Variants in NEURL4 observed in about 807,000 individuals in gnomAD.
The protein encoded by NEURL4 is neuralized E3 ubiquitin protein ligase 4, also known as neuralized-like protein 4.
A neutral mutation model predicts 148.0 loss-of-function variants in NEURL4; 45 were observed. That is an observed-to-expected ratio of 0.30 (90% CI 0.24 to 0.39). The LOEUF (loss-of-function observed/expected upper bound fraction) is 0.39. NEURL4 is among the 10% of genes least tolerant of loss of function. The pLI is 1.00. For synonymous variants in NEURL4, 854 were observed against 869.0 expected (o/e 0.98, Z 0.30); for missense variants, 1,776 against 2,144.0 (o/e 0.83, Z 3.39).
At position 7,321,394 on chromosome 17, in the gene NEURL4, C is replaced by G. The variant is rs749841363; in HGVS notation, c.3165G>C (p.Glu1055Asp). The G allele has an allele frequency of 6.2e-7, 1 of 1,614,170 alleles. No homozygotes were observed. The highest frequency in any genetic ancestry group is 1.1e-5 in the South Asian group (1 of 91,086). Residue 1055 changes from glutamate (E) to aspartate (D), a missense_variant, in exon 19 of 29, where the codon GAG (glutamate) becomes GAC (aspartate). Glu to Asp is a conservative substitution (Grantham distance 45). Coordinates refer to ENST00000399464, the MANE Select transcript of NEURL4 (RefSeq NM_032442.3). The surrounding 1 kb of genome is among the most constrained non-coding windows in gnomAD (Gnocchi z 6.3). ...TGCCAGTGGCTGCAGGCCCCATATCCTCTCCATCCACCAGGATGTGCATCG... is the reference window on the plus strand; with the variant it reads ...TGCCAGTGGCTGCAGGCCCCATATCGTCTCCATCCACCAGGATGTGCATCG... ...DDTMHILVDG[E>D]DMGPAATGIA...
Position 7,316,133 on chromosome 17 carries a change from CG to C in NEURL4, c.4678del (p.Arg1560GlyfsTer6). 2 of 1,530,856 alleles carry C rather than the reference CG, an allele frequency of 1.3e-6. No individual in the cohort carries two copies. The highest frequency in any genetic ancestry group is 1.8e-6 in the Non-Finnish European group (2 of 1,103,978). 94.8% of individuals were successfully genotyped at this position (1,530,856 alleles called of 1,614,324 possible). A position where few individuals can be genotyped will look rare whatever the true frequency, so the allele number is the denominator to read the frequency against. On this transcript the variant is annotated frameshift_variant, in exon 29 of 29. Coordinates refer to ENST00000399464, the MANE Select transcript of NEURL4 (RefSeq NM_032442.3). LOFTEE classifies it high-confidence loss of function. ...GTGGTGTCTCACCCCTCATTCCACC[CG>C]TACCAGCAGGGCACAGAGGAGTGTG... ...GATLLCALLV[R>X]VE
intron 8 of NEURL4, 65 bp downstream of exon 8, chr17:7,325,144 T>TTGGGGGGGGG: frequency 1.1e-4 from 101 of 956,280 alleles, no homozygotes; most frequent in Non-Finnish European, 1.4e-4. Context: ...TCCACTTCCT[T>TTGGGGGGGGG]GCCCCGCCCC....
In NEURL4 at chr17:7,317,476, C is replaced by T. The variant is rs2072964865; in HGVS notation, c.4303G>A (p.Gly1435Arg). The part of the protein sequence containing the change: ...VAAVRRVLDR[G>R]ELGAGTASIL... ...TCGCCAGTACCTGCTCCCAGCTCCC[C>T]TCGGTCCAGCACTCTCCGTACAGCG... The change falls in exon 27 of 29, where the codon GGG becomes AGG. Residue 1435 changes from glycine to arginine, a missense_variant. Coordinates refer to ENST00000399464, the MANE Select transcript of NEURL4 (RefSeq NM_032442.3). The T allele has an allele frequency of 4.3e-6, 7 of 1,614,196 alleles. No individual in the cohort carries two copies. The highest frequency in any genetic ancestry group is 1.3e-5 in the African/African-American group (1 of 75,050).
chr17:7,318,993 C>T lies in NEURL4; in HGVS notation c.3684+57G>A. Reference sequence around the variant, plus strand: ...CTAGGGGCCCACTTCTCCCTTCTGGCCAGCCCTTCTCTACTCACAGGCCTG... The same window carrying T: ...CTAGGGGCCCACTTCTCCCTTCTGGTCAGCCCTTCTCTACTCACAGGCCTG... On this transcript the variant is annotated intron_variant, in intron 22 of 28. Transcript: ENST00000399464. The surrounding 1 kb of genome is among the most constrained non-coding windows in gnomAD (Gnocchi z 4.3). 6.5e-7 allele frequency: 1 copy of T among 1,532,652 alleles called. No homozygotes were observed. The highest frequency in any genetic ancestry group is 8.8e-7 in the Non-Finnish European group (1 of 1,137,546). 94.9% of individuals were successfully genotyped at this position (1,532,652 alleles called of 1,614,324 possible).
chr17:7,326,649 G>C lies in NEURL4; in HGVS notation c.1092+62C>G, dbSNP rs1457022804. The C allele has an allele frequency of 1.9e-6, 3 of 1,604,396 alleles. No homozygotes were observed. The highest frequency in any genetic ancestry group is 2.6e-6 in the Non-Finnish European group (3 of 1,173,950). Reference sequence around the variant, plus strand: ...AGGGCCCACCCTCCTAGCACCAAGGGTCAATCCCCATCTTTAGCTCCCAGG... The same window carrying C: ...AGGGCCCACCCTCCTAGCACCAAGGCTCAATCCCCATCTTTAGCTCCCAGG... On this transcript the variant is annotated intron_variant, in intron 4 of 28. Transcript: ENST00000399464. The surrounding 1 kb of genome is among the most constrained non-coding windows in gnomAD (Gnocchi z 6.0).
In NEURL4 at chr17:7,315,773, A is replaced by G. The variant is rs180957591; in HGVS notation, c.*350T>C. The G allele has an allele frequency of 5.9e-5, 29 of 490,486 alleles. 1 individual carries two copies. The East Asian group carries it at 8.8e-4, about 15-fold the overall frequency. The allele number at this position is 490,486 out of a possible 1,614,324, so 30.4% of individuals were successfully genotyped here. ...CAGCTTCATGTGGGCACAGGGAGAG[A>G]CTCCTCTGGGATTCACAGTAACCAG... is the stretch of plus-strand genomic sequence containing the variant. On this transcript the variant is annotated 3_prime_UTR_variant, in exon 29 of 29. Transcript: ENST00000399464.
In NEURL4 at chr17:7,321,708, C is replaced by T. The variant is rs2073036570; in HGVS notation, c.2951G>A (p.Gly984Glu). The change falls in exon 18 of 29, where the codon GGA (glycine) becomes GAA (glutamate). Residue 984 changes from glycine (G) to glutamate (E), a missense_variant. Physicochemically the swap from Gly to Glu is moderately conservative, Grantham distance 98 (BLOSUM62 -2). Transcript: ENST00000399464. The surrounding 1 kb of genome is among the most constrained non-coding windows in gnomAD (Gnocchi z 6.3). The part of the protein sequence containing the change: ...GLTTLAPGEM[G>E]PGAGGGGPGL... ...TGGGCCACCACCGCCTGCCCCGGGT[C>T]CCATCTCCCCCGGTGCTAGTGTGGT... The T allele has an allele frequency of 6.2e-7, 1 of 1,613,736 alleles. No homozygotes were observed. The highest frequency in any genetic ancestry group is 8.5e-7 in the Non-Finnish European group (1 of 1,180,042).
Position 7,317,543 on chromosome 17 carries a change from T to C in NEURL4, c.4236A>G (p.Leu1412=), listed in dbSNP as rs1330843709. The change falls in exon 27 of 29, where the codon CTA becomes CTG. Residue 1412 remains leucine (L), a synonymous_variant. Transcript: ENST00000399464. ...GATATGCCATGTGCCACTTCTTGGT[T>C]AGTGTCCCAGCCTCCAGGCGGGGAT... ...RVNPRLEAGT[L]TKKWHMAYHG... is the part of the protein sequence containing the mutation. 4 of 1,614,038 alleles carry C rather than the reference T, an allele frequency of 2.5e-6. No individual in the cohort carries two copies. In the African/African-American group the frequency reaches 5.3e-5, roughly 22 times the overall value.
At chr17:7,319,519 G>C (rs1375495482) in intron 21 of NEURL4, among the ~76,000 whole-genome samples, 2 of 150,822 alleles carry the variant, frequency 1.3e-5, no homozygotes, top group South Asian at 2.1e-4. Context: ...TGACCAACAT[G>C]GTGAAACTCC....
At position 7,317,250 on chromosome 17, in the gene NEURL4, G is replaced by A; in HGVS notation, c.4439C>T (p.Pro1480Leu). 1 of 1,523,074 alleles carries A rather than the reference G, an allele frequency of 6.6e-7. No homozygotes were observed. Among genetic ancestry groups the A allele is most frequent in the Non-Finnish European group, 8.8e-7 (1 of 1,137,392 alleles). The allele number at this position is 1,523,074 out of a possible 1,614,324, so 94.3% of individuals were successfully genotyped here. ...CTCCGCCCCAGCATATTGAAGGGAG[G>A]GGGAAAGCAGCACAGGAGGGGGCTG... ...EEQPPPVLLS[P>L]SLQYAGAETL... Residue 1480 changes from proline (P) to leucine (L), a missense_variant, in exon 28 of 29, where the codon CCC becomes CTC. Transcript: ENST00000399464.
rs754369701 is a variant in NEURL4, at chr17:7,326,427, G to T, written c.1204+10C>A. 6.2e-7 allele frequency: 1 copy of T among 1,614,044 alleles called. No homozygotes were observed. Among genetic ancestry groups the T allele is most frequent in the South Asian group, 1.1e-5 (1 of 91,074 alleles). The stretch of plus-strand genomic sequence containing the variant: ...AGGCCTGCACCCCCGCCCCTGCCCG[G>T]GGCTGGTACCTGACTGGAGGTTGGT... On this transcript the variant is annotated intron_variant, in intron 5 of 28. Transcript: ENST00000399464. The surrounding 1 kb of genome is among the most constrained non-coding windows in gnomAD (Gnocchi z 6.0).
At position 7,316,026 on chromosome 17, in the gene NEURL4, G is replaced by A. The variant is rs2072938249; in HGVS notation, c.*97C>T. On this transcript the variant is annotated 3_prime_UTR_variant, in exon 29 of 29. Transcript: ENST00000399464. Reference sequence around the variant, plus strand: ...GCGGCTGCCAAGCTCCAGCACCTGCGCATGCCACGAGTCACGGGAATGAGG... The same window carrying A: ...GCGGCTGCCAAGCTCCAGCACCTGCACATGCCACGAGTCACGGGAATGAGG... 2.6e-6 allele frequency: 2 copies of A among 762,528 alleles called. No homozygotes were observed. The highest frequency in any genetic ancestry group is 4.8e-6 in the Non-Finnish European group (2 of 419,088). 47.2% of individuals were successfully genotyped at this position (762,528 alleles called of 1,614,324 possible).
In NEURL4 at chr17:7,321,745, G is replaced by A. The variant is rs1195316047; in HGVS notation, c.2914C>T (p.Arg972Trp). Residue 972 changes from arginine (R) to tryptophan (W), a missense_variant, in exon 18 of 29, where the codon CGG becomes TGG. Arg to Trp is a moderately radical substitution (Grantham distance 101). Transcript: ENST00000399464. This position sits in a 1 kb window ranked among gnomAD's most constrained non-coding sequence, Gnocchi z 6.3. ...ELDEKWAGSL[R>W]LGLTTLAPGE... Reference sequence around the variant, plus strand: ...GGTGCTAGTGTGGTCAGCCCCAGCCGCAGGGAACCTGCCCACTTCTCATCT... The same window carrying A: ...GGTGCTAGTGTGGTCAGCCCCAGCCACAGGGAACCTGCCCACTTCTCATCT... The A allele has an allele frequency of 3.1e-6, 5 of 1,613,568 alleles. No homozygotes were observed. Among genetic ancestry groups the A allele is most frequent in the Admixed American group, 1.7e-5 (1 of 60,028 alleles).
rs2073053035 is a variant in NEURL4, at chr17:7,323,009, C to T, written c.2532G>A (p.Leu844=). ...GGTCCTGGCCGTTGATGAAGTAGTG[C>T]AGGTCGCCCTTGGCAGTTCGCATCA... ...IGMMRTAKGD[L]HYFINGQDQG... is the part of the protein sequence containing the mutation. Residue 844 remains leucine, a synonymous_variant, in exon 15 of 29, where the codon CTG becomes CTA. Coordinates refer to ENST00000399464, the MANE Select transcript of NEURL4 (RefSeq NM_032442.3). 2 of 1,613,768 alleles carry T rather than the reference C, an allele frequency of 1.2e-6. No individual in the cohort carries two copies. The highest frequency in any genetic ancestry group is 1.7e-6 in the Non-Finnish European group (2 of 1,180,002).
chr17:7,317,749 A>T (rs1379104805), intron 26 of NEURL4, 39 bp downstream of exon 26: 1 of 1,606,424 alleles, frequency 6.2e-7, no homozygotes, highest in Non-Finnish European at 8.5e-7. Context: ...CTCCAGGGGG[A>T]AAACAGTAGG....
chr17:7,316,295 T>A lies in NEURL4; in HGVS notation c.4517A>T (p.Gln1506Leu). 1 of 1,613,028 alleles carries A rather than the reference T, an allele frequency of 6.2e-7. No individual in the cohort carries two copies. Among genetic ancestry groups the A allele is most frequent in the South Asian group, 1.1e-5 (1 of 91,020 alleles). Reference protein sequence around the residue: ...FRDPKSQRTHQAQVAFQVCVR... With the variant: ...FRDPKSQRTHLAQVAFQVCVR... Reference sequence around the variant, plus strand: ...ACACACCTGGAACGCCACCTGAGCCTGGTGCGTCCGCTGGGATTTGGGGTC... The same window carrying A: ...ACACACCTGGAACGCCACCTGAGCCAGGTGCGTCCGCTGGGATTTGGGGTC... The change falls in exon 29 of 29, where the codon CAG becomes CTG. Residue 1506 changes from glutamine (Q) to leucine (L), a missense_variant. Physicochemically the swap from Gln to Leu is moderately radical, Grantham distance 113. Coordinates refer to ENST00000399464, the MANE Select transcript of NEURL4 (RefSeq NM_032442.3).
chr17:7,317,484 A>G lies in NEURL4; in HGVS notation c.4295T>C (p.Leu1432Pro). The change falls in exon 27 of 29, where the codon CTG (leucine) becomes CCG (proline). Residue 1432 changes from leucine (L) to proline (P), a missense_variant. Leu to Pro is a moderately conservative substitution (Grantham distance 98, BLOSUM62 -3). Transcript: ENST00000399464. The stretch of plus-strand genomic sequence containing the variant: ...ACCTGCTCCCAGCTCCCCTCGGTCC[A>G]GCACTCTCCGTACAGCGGCAACATT... Reference protein sequence around the residue: ...GSNVAAVRRVLDRGELGAGTA... With the variant: ...GSNVAAVRRVPDRGELGAGTA... The G allele has an allele frequency of 6.2e-7, 1 of 1,614,128 alleles. No homozygotes were observed. Among genetic ancestry groups the G allele is most frequent in the Non-Finnish European group, 8.5e-7 (1 of 1,179,996 alleles).
rs771132258 is a variant in NEURL4 at position 7,322,700 on chromosome 17, G to A, written c.2725+35C>T. On this transcript the variant is annotated intron_variant, in intron 16 of 28. Transcript: ENST00000399464. The surrounding 1 kb of genome is among the most constrained non-coding windows in gnomAD (Gnocchi z 5.5). ...TACTCCTCAGGTGCACAGCAGGCAA[G>A]CAGAGCCCGTCCAGCCCCCGCCCTG... The A allele has an allele frequency of 5.0e-6, 8 of 1,601,048 alleles. No homozygotes were observed. In the South Asian group the frequency reaches 6.6e-5, roughly 13 times the overall value.
Position 7,316,071 on chromosome 17 carries a change from G to T in NEURL4, c.*52C>A. The stretch of plus-strand genomic sequence containing the variant: ...ATGAGGTGGAGGCAGTCGCCACTCA[G>T]AGTCCATGGGCCCGCGGCCCGACTG... On this transcript the variant is annotated 3_prime_UTR_variant, in exon 29 of 29. Transcript: ENST00000399464. The T allele has an allele frequency of 2.1e-6, 2 of 961,948 alleles. No individual in the cohort carries two copies. Among genetic ancestry groups the T allele is most frequent in the South Asian group, 1.3e-5 (1 of 77,978 alleles). The allele number at this position is 961,948 out of a possible 1,614,324, so 59.6% of individuals were successfully genotyped here.
Sources: gnomAD v4.1 joint callset for allele counts (sites outside exome capture counted in the v4.1 genomes callset) on GRCh38, gnomAD v4.1.1 for gene constraint, Gnocchi (gnomAD v3.1) non-coding constraint, MANE v1.5 for transcripts, NCBI Gene and HGNC (gene_info 2026-07-23, HGNC 2026-07-21) for gene names.